The following LY96 variants were observed in gnomAD, a reference collection of about 807,000 sequenced individuals.
LY96 encodes the protein lymphocyte antigen 96, also known as myeloid differentiation protein-2.
LY96 carries 18 observed loss-of-function variants against 18.9 expected under a neutral mutation model. That is an observed-to-expected ratio of 0.95 (90% CI 0.66 to 1.41). The LOEUF (loss-of-function observed/expected upper bound fraction) is 1.41. LY96 is among the 40% of genes most tolerant of loss of function. The pLI is 0.00. For missense variants in LY96, 175 were observed against 182.4 expected, an observed-to-expected ratio of 0.96 and a Z score of 0.23; for synonymous variants, 66 against 62.6, an observed-to-expected ratio of 1.06 and a Z score of -0.26.
chr8:74,075,255 GGCT>G, the LY96 span, among the ~76,000 whole-genome samples: 9 of 152,224 alleles, frequency 5.9e-5, no homozygotes, highest in Non-Finnish European at 8.8e-5. Context: ...CTTCTATTGT[GGCT>G]TTAAAAAATT....
intron 3 of LY96, among the ~76,000 whole-genome samples, chr8:74,018,058 C>A (rs1816680890): frequency 6.6e-6 from 1 of 151,972 alleles, no homozygotes; most frequent in East Asian, 1.9e-4. Context: ...ACAATATTAA[C>A]CTTAAATATA....
chr8:74,080,840 T>C, the LY96 span, among the ~76,000 whole-genome samples: 14 of 152,190 alleles, frequency 9.2e-5, no homozygotes, highest in African/African-American at 3.4e-4. Flanking sequence ...CGATTTCCTT[T>C]AAGGCTCTTT....
intron 1 of LY96, among the ~76,000 whole-genome samples, chr8:73,998,646 A>C (rs936187246): frequency 6.6e-6 from 1 of 152,080 alleles, no homozygotes; most frequent in Non-Finnish European, 1.5e-5. Context: ...TTGTGCCACT[A>C]CACTTTATCC....
rs747421749 is a variant in LY96, at chr8:74,027,682, A to T, written c.384+841A>T. Among the ~76,000 whole-genome samples the T allele has an allele frequency of 1.8e-4, 28 of 152,214 alleles. 1 individual carries two copies. The highest frequency in any genetic ancestry group is 3.2e-4 in the Non-Finnish European group (22 of 68,046). On this transcript the variant is annotated intron_variant, in intron 4 of 4. Transcript: ENST00000284818. ...GTTACAGGGAGAAGGTCTGGAAATT[A>T]TCGCCAGACCAACTCAAAATTACAA... is the stretch of plus-strand genomic sequence containing the variant.
At chr8:74,061,737 G>T in the LY96 span, among the ~76,000 whole-genome samples, 2 of 152,150 alleles carry the variant, frequency 1.3e-5, no homozygotes, top group African/African-American at 4.8e-5. Context: ...CCTTAGTTGT[G>T]CATTTTCAAC....
chr8:74,062,638 T>A, the LY96 span, among the ~76,000 whole-genome samples: 1 of 152,226 alleles, frequency 6.6e-6, no homozygotes, highest in East Asian at 1.9e-4. Flanking sequence ...CTTTATCCAG[T>A]CTGTTGTTGA....
intron 1 of LY96, among the ~76,000 whole-genome samples, chr8:73,995,568 C>T (rs1816109840): frequency 6.6e-6 from 1 of 152,178 alleles, no homozygotes; most frequent in Non-Finnish European, 1.5e-5. Flanking sequence ...AATGAGGACA[C>T]ATTTCTGTCG....
At chr8:74,019,929 TAA>T (rs1210340045) in intron 3 of LY96, among the ~76,000 whole-genome samples, 1 of 152,056 alleles carries the variant, frequency 6.6e-6, no homozygotes, top group Non-Finnish European at 1.5e-5. Context: ...CTCAAAATAA[TAA>T]GAGCTATTTA....
the LY96 span, among the ~76,000 whole-genome samples, chr8:74,057,746 C>T: frequency 6.6e-6 from 1 of 152,182 alleles, no homozygotes; most frequent in Non-Finnish European, 1.5e-5. Flanking sequence ...GGTCTGAACT[C>T]ACTAAAATGG....
chr8:74,042,590 C>T, the LY96 span, among the ~76,000 whole-genome samples: 278 of 152,204 alleles, frequency 1.8e-3, no homozygotes, highest in Non-Finnish European at 3.0e-3. Context: ...TCTTCCAACA[C>T]GAGCATAGCA....
At chr8:74,092,397 C>A in the LY96 span, among the ~76,000 whole-genome samples, 7 of 152,082 alleles carry the variant, frequency 4.6e-5, no homozygotes, top group Non-Finnish European at 8.8e-5. Context: ...AGTCAGTCAT[C>A]CAAGAACATT....
At chr8:74,094,442 C>A in the LY96 span, among the ~76,000 whole-genome samples, 1 of 152,212 alleles carries the variant, frequency 6.6e-6, no homozygotes, top group Admixed American at 6.5e-5. Flanking sequence ...ATATTTGAAA[C>A]CCTTTATGTT....
the LY96 span, among the ~76,000 whole-genome samples, chr8:74,069,098 A>G: frequency 6.6e-6 from 1 of 152,164 alleles, no homozygotes; most frequent in Admixed American, 6.6e-5. Flanking sequence ...AGTTTTAATA[A>G]TCTTTAGATA....
chr8:73,992,487 T>C (rs951042759), intron 1 of LY96, among the ~76,000 whole-genome samples: 2 of 152,240 alleles, frequency 1.3e-5, no homozygotes, highest in Admixed American at 1.3e-4. Flanking sequence ...TAAAGGCACC[T>C]GTTTAACCAC....
intron 1 of LY96, among the ~76,000 whole-genome samples, chr8:74,004,274 G>A (rs1043142177): frequency 2.6e-5 from 4 of 152,192 alleles, no homozygotes; most frequent in Admixed American, 2.0e-4. Context: ...TCTCCCCTGG[G>A]TGGTAGACTG....
At chr8:74,064,274 A>G in the LY96 span, among the ~76,000 whole-genome samples, 1 of 152,126 alleles carries the variant, frequency 6.6e-6, no homozygotes, top group East Asian at 1.9e-4. Context: ...GAATAAATAA[A>G]CCTATATATG....
the LY96 span, among the ~76,000 whole-genome samples, chr8:74,041,741 G>T: frequency 6.6e-6 from 1 of 152,138 alleles, no homozygotes; most frequent in Admixed American, 6.5e-5. Context: ...AGGTCAGACC[G>T]GTTCTCTGCT....
intron 4 of LY96, among the ~76,000 whole-genome samples, chr8:74,027,977 C>T (rs376562238): frequency 7.9e-5 from 12 of 152,056 alleles, no homozygotes; most frequent in African/African-American, 1.9e-4. Context: ...GGAGTTTCTT[C>T]GGACCCACAA....
At chr8:73,998,665 A>T (rs1816199689) in intron 1 of LY96, among the ~76,000 whole-genome samples, 1 of 151,866 alleles carries the variant, frequency 6.6e-6, no homozygotes, top group Non-Finnish European at 1.5e-5. Flanking sequence ...CCTGGGTGAC[A>T]GAGTGAAATC....
Sources: gnomAD v4.1 joint callset for allele counts (sites outside exome capture counted in the v4.1 genomes callset) on GRCh38, gnomAD v4.1.1 for gene constraint, MANE v1.5 for transcripts, NCBI Gene and HGNC (gene_info 2026-07-23, HGNC 2026-07-21) for gene names.